The following CPLANE1 variants were observed in gnomAD, a reference collection of about 807,000 sequenced individuals.
CPLANE1 encodes the protein ciliogenesis and planar polarity effector complex subunit 1.
In CPLANE1, 263 loss-of-function variants were observed where a neutral mutation model predicts 362.5. The ratio of observed to expected loss-of-function variants is 0.73; its 90% CI spans 0.66 to 0.80. The LOEUF (loss-of-function observed/expected upper bound fraction) is 0.80, where lower values mean the gene tolerates loss of function less well. CPLANE1 is among the 30% of genes least tolerant of loss of function. The pLI, the probability that CPLANE1 is intolerant of heterozygous loss-of-function variation, is 0.00. For missense variants in CPLANE1, 3,461 were observed against 3,793.4 expected (o/e 0.91, Z 2.30); for synonymous variants, 1,212 against 1,302.6 (o/e 0.93, Z 1.50).
intron 9 of CPLANE1, 69 bp from the exon 10 acceptor site, chr5:37,227,886 C>CA (rs1305446530): frequency 7.2e-7 from 1 of 1,387,210 alleles, no homozygotes; most frequent in African/African-American, 1.5e-5. Flanking sequence ...TAATGTTTTT[C>CA]AAAAAAGAAG....
chr5:37,247,857 A>G (rs994494891), intron 1 of CPLANE1, 112 bp from the exon 2 acceptor site: 15 of 726,326 alleles, frequency 2.1e-5, no homozygotes, highest in Non-Finnish European at 2.9e-5. Context: ...GAGTGCAGTG[A>G]TATGATCTCA....
chr5:37,082,019 G>A, the CPLANE1 span, among the ~76,000 whole-genome samples: 1 of 151,750 alleles, frequency 6.6e-6, no homozygotes, highest in Non-Finnish European at 1.5e-5. Flanking sequence ...CTTGTACCTG[G>A]GAGGCGGAGG....
At chr5:37,088,189 G>T in the CPLANE1 span, among the ~76,000 whole-genome samples, 5 of 152,284 alleles carry the variant, frequency 3.3e-5, no homozygotes, top group South Asian at 6.2e-4. Context: ...TTTATCAATC[G>T]GTTAACCCAG....
chr5:37,158,435 C>T (rs1239785481), intron 38 of CPLANE1, 90 bp from the exon 39 acceptor site: 2 of 1,251,606 alleles, frequency 1.6e-6, no homozygotes, highest in African/African-American at 3.0e-5. Flanking sequence ...AAGTTAGCAA[C>T]AAACAACATA....
chr5:37,111,568 C>G (rs1759350512), intron 51 of CPLANE1, among the ~76,000 whole-genome samples: 1 of 152,086 alleles, frequency 6.6e-6, no homozygotes, highest in African/African-American at 2.4e-5. Flanking sequence ...TGGATTAGTG[C>G]CAAAGGGAAG....
chr5:37,084,101 C>T, the CPLANE1 span, among the ~76,000 whole-genome samples: 1 of 152,312 alleles, frequency 6.6e-6, no homozygotes, highest in Non-Finnish European at 1.5e-5. Context: ...ATCCTGCAAG[C>T]TAGAAAGGAT....
rs1796032399 is a variant in CPLANE1 at position 37,224,528 on chromosome 5, T to C, written c.2500+4A>G. ...GAGTTAGAAAATATTCATAAGATAC[T>C]GACCATTGATAGATTTAAGTTCTAA... On this transcript the variant is annotated splice_donor_region_variant and intron_variant, in intron 13 of 52. Coordinates refer to ENST00000651892, the MANE Select transcript of CPLANE1 (RefSeq NM_001384732.1). 1 of 1,533,190 alleles carries C rather than the reference T, an allele frequency of 6.5e-7. No individual in the cohort carries two copies. Among genetic ancestry groups the C allele is most frequent in the African/African-American group, 1.4e-5 (1 of 72,646 alleles). The allele number at this position is 1,533,190 out of a possible 1,614,324, so 95.0% of individuals were successfully genotyped here. A position where few individuals can be genotyped will look rare whatever the true frequency, so the allele number is the denominator to read the frequency against.
intron 34 of CPLANE1, among the ~76,000 whole-genome samples, chr5:37,168,404 G>C (rs1778877849): frequency 6.6e-6 from 1 of 152,096 alleles, no homozygotes; most frequent in Non-Finnish European, 1.5e-5. Context: ...AGAGTACCTG[G>C]TAATTTTACT....
chr5:37,211,961 C>T (rs1792737610), intron 16 of CPLANE1: 2 of 868,238 alleles, frequency 2.3e-6, no homozygotes, highest in Admixed American at 3.4e-5. Flanking sequence ...CATATCAGCA[C>T]CCAAGTGTAG....
chr5:37,243,265 G>A (rs948499989), intron 5 of CPLANE1, 146 bp from the exon 6 acceptor site: 1 of 539,064 alleles, frequency 1.9e-6, no homozygotes, highest in Non-Finnish European at 3.1e-6. Flanking sequence ...TTAAGCTTAA[G>A]ACTAAGTAAT....
intron 46 of CPLANE1, among the ~76,000 whole-genome samples, chr5:37,129,187 T>A (rs763499241): frequency 1.3e-5 from 2 of 152,068 alleles, no homozygotes; most frequent in Non-Finnish European, 2.9e-5. Context: ...GGTGCTGGGA[T>A]AATTGGCAAG....
At chr5:37,193,421 G>A (rs1403261417) in intron 21 of CPLANE1, among the ~76,000 whole-genome samples, 1 of 152,152 alleles carries the variant, frequency 6.6e-6, no homozygotes, top group Non-Finnish European at 1.5e-5. Flanking sequence ...TTCGGAGGCT[G>A]AGGCAGGCGG....
intron 36 of CPLANE1, 73 bp from the exon 37 acceptor site, chr5:37,164,400 A>T: frequency 8.9e-7 from 1 of 1,124,946 alleles, no homozygotes; most frequent in Non-Finnish European, 1.3e-6. Flanking sequence ...AAAAATCAAT[A>T]GCTATGAAGA....
At chr5:37,157,509 A>G in intron 40 of CPLANE1, 89 bp from the exon 41 acceptor site, 1 of 1,166,114 alleles carries the variant, frequency 8.6e-7, no homozygotes, top group Non-Finnish European at 1.2e-6. Context: ...TAAACTTCTA[A>G]ATAAGGTAAT....
intron 43 of CPLANE1, 145 bp downstream of exon 43, chr5:37,148,036 A>T (rs1367793994): frequency 2.3e-6 from 1 of 441,792 alleles, no homozygotes; most frequent in Non-Finnish European, 3.9e-6. Flanking sequence ...ACAAAAAAAT[A>T]ATCCTAATCT....
chr5:37,180,431 A>G (rs1014674205), intron 27 of CPLANE1, among the ~76,000 whole-genome samples: 1 of 152,192 alleles, frequency 6.6e-6, no homozygotes, highest in African/African-American at 2.4e-5. Flanking sequence ...GTAAATAACT[A>G]AACATCATAG....
chr5:37,146,498 G>A (rs768227090), intron 43 of CPLANE1, among the ~76,000 whole-genome samples: 2 of 152,032 alleles, frequency 1.3e-5, no homozygotes, highest in African/African-American at 4.8e-5. Context: ...TTTTTGAAAC[G>A]AGACAATTGG....
rs879125039 is a variant in CPLANE1, at chr5:37,198,845, AAAG to A, written c.3526_3528del (p.Leu1177del). 10 of 1,614,044 alleles carry A rather than the reference AAAG, an allele frequency of 6.2e-6. No homozygotes were observed. The highest frequency in any genetic ancestry group is 3.3e-5 in the South Asian group (3 of 91,072). Reference sequence around the variant, plus strand: ...TGGCGATTATTTTTTTCAGCTTTTAAAAGAAGATCATCACCATCTTCCTGAGGA... The same window carrying A: ...TGGCGATTATTTTTTTCAGCTTTTAAAAGATCATCACCATCTTCCTGAGGA... On this transcript the variant is annotated inframe_deletion, in exon 20 of 53. Coordinates refer to ENST00000651892, the MANE Select transcript of CPLANE1 (RefSeq NM_001384732.1).
intron 32 of CPLANE1, 70 bp downstream of exon 32, chr5:37,173,684 TC>T: frequency 8.1e-7 from 1 of 1,232,950 alleles, no homozygotes. Flanking sequence ...TTTCTGGAAA[TC>T]TATTAATATT....
Sources: allele counts gnomAD v4.1 joint callset (sites outside exome capture counted in the v4.1 genomes callset), GRCh38; gene constraint gnomAD v4.1.1; transcripts MANE v1.5; gene names NCBI Gene and HGNC (gene_info 2026-07-23, HGNC 2026-07-21).